WDR7: variants seen among roughly 807,000 people sequenced by gnomAD.
WDR7 encodes the protein WD repeat-containing protein 7.
WDR7 carries 46 observed loss-of-function variants against 169.4 expected under a neutral mutation model. The observed-to-expected ratio is 0.27, with a 90% CI of 0.21 to 0.35. WDR7 has a LOEUF of 0.35. WDR7 is among the 10% of genes least tolerant of loss of function. The pLI, the probability that WDR7 is intolerant of heterozygous loss-of-function variation, is 1.00. For synonymous variants in WDR7, 612 were observed against 666.8 expected (o/e 0.92, Z 1.27); for missense variants, 1,534 against 1,859.3 (o/e 0.83, Z 3.22).
intron 19 of WDR7, among the ~76,000 whole-genome samples, chr18:56,803,188 A>G (rs563405452): frequency 6.6e-6 from 1 of 152,360 alleles, no homozygotes; most frequent in African/African-American, 2.4e-5. Context: ...AGAGCACATT[A>G]CAGTGTTTAT....
At chr18:56,939,764 C>G (rs886813629) in intron 25 of WDR7, among the ~76,000 whole-genome samples, 4 of 152,008 alleles carry the variant, frequency 2.6e-5, no homozygotes, top group African/African-American at 9.7e-5. Flanking sequence ...CATCTTTGTG[C>G]CACGCTTTCA....
At chr18:56,685,151 A>G (rs1420391961) in intron 5 of WDR7, among the ~76,000 whole-genome samples, 2 of 152,200 alleles carry the variant, frequency 1.3e-5, no homozygotes, top group African/African-American at 2.4e-5. Context: ...AAAGATAACA[A>G]TTTTTTAAAT....
intron 19 of WDR7, among the ~76,000 whole-genome samples, chr18:56,799,555 T>C (rs2044639106): frequency 6.6e-6 from 1 of 152,148 alleles, no homozygotes; most frequent in Non-Finnish European, 1.5e-5. Context: ...TACAGTACAG[T>C]AGTACTGTTT....
intron 12 of WDR7, among the ~76,000 whole-genome samples, chr18:56,712,041 G>T (rs923938412): frequency 4.6e-5 from 7 of 151,992 alleles, no homozygotes; most frequent in Admixed American, 1.3e-4. Context: ...AATTGTTTTG[G>T]GCACATAAGA....
At chr18:56,673,241 T>C (rs1410240700) in intron 2 of WDR7, among the ~76,000 whole-genome samples, 9 of 152,076 alleles carry the variant, frequency 5.9e-5, no homozygotes, top group African/African-American at 2.2e-4. Context: ...ATCCTACTTT[T>C]CTCCTTTCCA....
Position 56,779,536 on chromosome 18 carries a change from A to G in WDR7, c.3053A>G (p.Asp1018Gly), listed in dbSNP as rs2044287949. The change falls in exon 18 of 28, where the codon GAT becomes GGT. Residue 1018 changes from aspartate (D) to glycine (G), a missense_variant. By Grantham distance (94) the Asp-to-Gly change is moderately conservative (BLOSUM62 -1). Transcript: ENST00000254442. ...GAGATGCTGGCCCGAAGATGGCAAGATCGATGCTTGGAGGTAATGCTAAAG... is the reference window on the plus strand; with the variant it reads ...GAGATGCTGGCCCGAAGATGGCAAGGTCGATGCTTGGAGGTAATGCTAAAG... ...LLEMLARRWQ[D>G]RCLEVREAAQ... 6.2e-7 allele frequency: 1 copy of G among 1,613,482 alleles called. No individual in the cohort carries two copies. Among genetic ancestry groups the G allele is most frequent in the Admixed American group, 1.7e-5 (1 of 59,930 alleles).
chr18:56,720,746 A>C (rs1203791753), intron 13 of WDR7, among the ~76,000 whole-genome samples: 2 of 152,204 alleles, frequency 1.3e-5, no homozygotes, highest in Non-Finnish European at 2.9e-5. Context: ...CTGTAGGGGT[A>C]CTGGAAGAGG....
At chr18:56,973,185 T>G (rs2047517870) in intron 26 of WDR7, among the ~76,000 whole-genome samples, 2 of 152,208 alleles carry the variant, frequency 1.3e-5, no homozygotes, top group African/African-American at 4.8e-5. Context: ...CATGGGTACT[T>G]CTTATATCTG....
intron 12 of WDR7, among the ~76,000 whole-genome samples, chr18:56,713,082 A>G (rs2026118814): frequency 6.6e-6 from 1 of 152,208 alleles, no homozygotes; most frequent in South Asian, 2.1e-4. Context: ...AAACCTAGCC[A>G]TCACAAAATG....
At chr18:56,760,864 C>A (rs2043971173) in intron 16 of WDR7, among the ~76,000 whole-genome samples, 1 of 152,006 alleles carries the variant, frequency 6.6e-6, no homozygotes, top group African/African-American at 2.4e-5. Flanking sequence ...GATGAGATAC[C>A]CTAGCCAACA....
intron 2 of WDR7, among the ~76,000 whole-genome samples, chr18:56,673,665 C>G (rs896665346): frequency 4.6e-5 from 7 of 151,864 alleles, no homozygotes; most frequent in African/African-American, 1.7e-4. Context: ...GAAACCCCAT[C>G]TCTACTGAAA....
At chr18:56,887,201 T>C (rs1437071) in intron 21 of WDR7, among the ~76,000 whole-genome samples, 3,847 of 151,882 alleles carry the variant, frequency 0.025, 70 homozygotes, top group Middle Eastern at 0.095. Flanking sequence ...TCATTTGGAT[T>C]GTTAAAAGAC....
intron 21 of WDR7, among the ~76,000 whole-genome samples, chr18:56,894,978 T>C (rs768882686): frequency 9.7e-4 from 148 of 152,106 alleles, no homozygotes; most frequent in Middle Eastern, 3.4e-3. Flanking sequence ...CTTTTCCACA[T>C]AAGGACTCTT....
chr18:56,773,180 G>A (rs1599032630), intron 16 of WDR7, among the ~76,000 whole-genome samples: 2 of 152,194 alleles, frequency 1.3e-5, no homozygotes, highest in South Asian at 4.2e-4. Flanking sequence ...AATTTAATGA[G>A]GCAGGGTTCC....
At chr18:56,690,388 A>G (rs2025538638) in intron 7 of WDR7, among the ~76,000 whole-genome samples, 1 of 152,332 alleles carries the variant, frequency 6.6e-6, no homozygotes, top group Middle Eastern at 3.4e-3. Flanking sequence ...TTTGAATTTT[A>G]TATGTGAAAA....
chr18:56,679,499 T>C, intron 3 of WDR7, 61 bp downstream of exon 3: 1 of 1,235,734 alleles, frequency 8.1e-7, no homozygotes, highest in Non-Finnish European at 1.1e-6. Flanking sequence ...ACCAATGCCT[T>C]GTAAGTAGCG....
intron 25 of WDR7, among the ~76,000 whole-genome samples, chr18:56,955,756 T>C (rs2047242288): frequency 6.6e-6 from 1 of 152,170 alleles, no homozygotes; most frequent in Admixed American, 6.5e-5. Context: ...TTTTAGGTAC[T>C]TCTGTTGCAT....
At chr18:56,701,976 G>A (rs2025844343) in intron 12 of WDR7, among the ~76,000 whole-genome samples, 1 of 152,174 alleles carries the variant, frequency 6.6e-6, no homozygotes, top group African/African-American at 2.4e-5. Flanking sequence ...ACACAGCGTG[G>A]TTAGAGAGAG....
At chr18:56,656,121 A>ACAT (rs1173283433) in intron 1 of WDR7, among the ~76,000 whole-genome samples, 1 of 152,006 alleles carries the variant, frequency 6.6e-6, no homozygotes, top group Non-Finnish European at 1.5e-5. Flanking sequence ...ATGCCCAGGG[A>ACAT]CATGGTTGCT....
Sources: gnomAD v4.1 joint callset for allele counts (sites outside exome capture counted in the v4.1 genomes callset) on GRCh38, gnomAD v4.1.1 for gene constraint, MANE v1.5 for transcripts, NCBI Gene and HGNC (gene_info 2026-07-23, HGNC 2026-07-21) for gene names.